F8: variants seen among roughly 807,000 people sequenced by gnomAD.
The protein encoded by F8 is antihemophilic factor.
A neutral mutation model predicts 140.6 loss-of-function variants in F8; 12 were observed. The ratio of observed to expected loss-of-function variants is 0.09; its 90% CI spans 0.05 to 0.14. The LOEUF is 0.14. Ranked by LOEUF, F8 falls within the 10% of genes least tolerant of loss-of-function variation. The probability of loss-of-function intolerance (pLI) is 1.00; values close to 1 mark genes in which losing one functional copy is unlikely to be tolerated. For missense variants in F8, 1,354 were observed against 1,720.7 expected, an observed-to-expected ratio of 0.79 and a Z score of 3.77; for synonymous variants, 585 against 614.6, an observed-to-expected ratio of 0.95 and a Z score of 0.71.
chrX:155,013,131 G>C (rs2124165081), intron 1 of F8, among the ~76,000 whole-genome samples: 1 of 87,414 alleles, frequency 1.1e-5, no homozygotes, highest in Admixed American at 1.3e-4. Context: ...GGGTGACAGA[G>C]CGAGACTCCG....
At chrX:154,983,619 G>T (rs1399705855) in intron 6 of F8, among the ~76,000 whole-genome samples, 3 of 112,082 alleles carry the variant, frequency 2.7e-5, no homozygotes, top group Non-Finnish European at 3.8e-5. Flanking sequence ...CAAGTGCTGG[G>T]ATTACAGGTG....
chrX:154,977,391 T>C (rs1478939881), intron 6 of F8: 1 of 112,147 alleles, frequency 8.9e-6, no homozygotes, highest in Non-Finnish European at 1.9e-5. Flanking sequence ...GTTTTCATGT[T>C]ACACATTAGG....
At chrX:155,000,858 C>T (rs782722643) in intron 1 of F8, among the ~76,000 whole-genome samples, 4 of 111,296 alleles carry the variant, frequency 3.6e-5, no homozygotes, top group Admixed American at 9.6e-5. Flanking sequence ...CTTGGTATGG[C>T]GGACCACTGA....
chrX:154,931,029 T>C lies in F8; in HGVS notation c.2761A>G (p.Ser921Gly). 8.4e-7 allele frequency: 1 copy of C among 1,192,504 alleles called. No individual in the cohort carries two copies. The highest frequency in any genetic ancestry group is 1.1e-6 in the Non-Finnish European group (1 of 886,681). Residue 921 changes from serine to glycine, a missense_variant, in exon 14 of 26, where the codon AGT (serine) becomes GGT (glycine). By Grantham distance (56) the Ser-to-Gly change is moderately conservative. Coordinates refer to ENST00000360256, the MANE Select transcript of F8 (RefSeq NM_000132.4). ...GGCATACTTGGGGGTCCTAAGGAAC[T>C]TGTATTATCAGTACCTGCTGCCAAA... Reference protein sequence around the residue: ...DNLAAGTDNTSSLGPPSMPVH... With the variant: ...DNLAAGTDNTGSLGPPSMPVH...
At position 154,968,210 on chromosome X, in the gene F8, T is replaced by C. The variant is rs781994224; in HGVS notation, c.1009+1121A>G. On this transcript the variant is annotated intron_variant, in intron 7 of 25. Coordinates refer to ENST00000360256, the MANE Select transcript of F8 (RefSeq NM_000132.4). ...AAGCGTTCCACCCTCATGAATGGACTAATGCAGTTATCTGGGGAAAGTGTT... is the reference window on the plus strand; with the variant it reads ...AAGCGTTCCACCCTCATGAATGGACCAATGCAGTTATCTGGGGAAAGTGTT... Among the ~76,000 whole-genome samples, 9 of 111,673 alleles carry C rather than the reference T, an allele frequency of 8.1e-5. 1 individual carries two copies. In the South Asian group the frequency reaches 3.0e-3, roughly 37 times the overall value.
At chrX:154,981,947 A>G (rs782159215) in intron 6 of F8, among the ~76,000 whole-genome samples, 11 of 111,931 alleles carry the variant, frequency 9.8e-5, no homozygotes, top group Non-Finnish European at 1.9e-4. Flanking sequence ...GCACTTTGGG[A>G]GGCCAAGGCG....
intron 14 of F8, among the ~76,000 whole-genome samples, chrX:154,928,000 CTTAT>C (rs782045681): frequency 1.7e-4 from 19 of 111,855 alleles, no homozygotes; most frequent in Non-Finnish European, 3.2e-4. Flanking sequence ...TTGAGATTGC[CTTAT>C]TTAGTTTTGT....
chrX:154,955,165 CTTTTTTTTTTTTT>C (rs1185466045), intron 11 of F8, among the ~76,000 whole-genome samples: 2 of 36,077 alleles, frequency 5.5e-5, no homozygotes, highest in South Asian at 3.3e-3. Context: ...ATTTATTAAG[CTTTTTTTTTTTTT>C]TTTTTTTTTT....
rs28370224 is a variant in F8 at position 154,898,299 on chromosome X, C to T, written c.6273+1567G>A. Among the ~76,000 whole-genome samples the T allele has an allele frequency of 6.3e-3, 702 of 111,891 alleles. 6 individuals carry two copies. The highest frequency in any genetic ancestry group is 0.022 in the African/African-American group (672 of 30,771). ...CTCCATGGTTTATTTTATAAAGTTA[C>T]GAGATCTATAAAAAGTCTAGCTGGA... On this transcript the variant is annotated intron_variant, in intron 21 of 25. Coordinates refer to ENST00000360256, the MANE Select transcript of F8 (RefSeq NM_000132.4).
Position 154,835,829 on chromosome X carries a change from A to G in F8, c.*1768T>C, listed in dbSNP as rs1335026804. On this transcript the variant is annotated 3_prime_UTR_variant, in exon 26 of 26. Coordinates refer to ENST00000360256, the MANE Select transcript of F8 (RefSeq NM_000132.4). The stretch of plus-strand genomic sequence containing the variant: ...AATGTTTTATTTAACTCATTACTGA[A>G]GAAACCAGCAGGAAAATAAAAGAGC... The G allele has an allele frequency of 8.9e-6, 1 of 112,537 alleles. No homozygotes were observed. Among genetic ancestry groups the G allele is most frequent in the African/African-American group, 3.2e-5 (1 of 30,944 alleles). The allele number at this position is 112,537 out of a possible 1,213,427, so 9.3% of individuals were successfully genotyped here.
intron 14 of F8, chrX:154,919,543 A>G: frequency 1.5e-6 from 1 of 652,222 alleles, no homozygotes. Flanking sequence ...GGCAGCAGAC[A>G]ATCACTCAAT....
At chrX:154,854,899 A>G (rs1603431371) in intron 25 of F8, among the ~76,000 whole-genome samples, 1 of 111,443 alleles carries the variant, frequency 9.0e-6, no homozygotes, top group East Asian at 2.8e-4. Flanking sequence ...TGGGAGGCCG[A>G]GGTGGATGGA....
At position 154,837,573 on chromosome X, in the gene F8, T is replaced by C. The variant is rs1557271020; in HGVS notation, c.*24A>G. On this transcript the variant is annotated 3_prime_UTR_variant, in exon 26 of 26. Transcript: ENST00000360256. ...GCTGAGGAGGGAGAGGTGACGGCAG[T>C]GGCAGGTGCTGCAGTGGCCACCCTC... 1.7e-6 allele frequency: 2 copies of C among 1,183,238 alleles called. No individual in the cohort carries two copies. The highest frequency in any genetic ancestry group is 6.2e-5 in the East Asian group (2 of 32,337).
At chrX:154,911,839 C>T (rs1557276796) in intron 14 of F8, among the ~76,000 whole-genome samples, 1 of 111,982 alleles carries the variant, frequency 8.9e-6, no homozygotes, top group Non-Finnish European at 1.9e-5. Flanking sequence ...ACAAGCATTC[C>T]CCTTTTGCCA....
intron 13 of F8, among the ~76,000 whole-genome samples, chrX:154,939,179 G>T (rs2073241525): frequency 9.0e-6 from 1 of 111,449 alleles, no homozygotes; most frequent in Non-Finnish European, 1.9e-5. Flanking sequence ...CAGGACAGTG[G>T]GTGCAGTGCA....
chrX:154,981,253 C>CA (rs1219583183), intron 6 of F8, among the ~76,000 whole-genome samples: 1 of 111,197 alleles, frequency 9.0e-6, no homozygotes, highest in East Asian at 2.8e-4. Context: ...AAGGGCTTCA[C>CA]AGTCTTGCTC....
chrX:154,994,539 T>C (rs149095405), intron 3 of F8, among the ~76,000 whole-genome samples: 1,733 of 112,332 alleles, frequency 0.015, 22 homozygotes, highest in African/African-American at 0.052. Context: ...CTGACACTCA[T>C]TTGGTGAAAG....
At chrX:154,953,767 T>C (rs1241100672) in intron 12 of F8, 125 bp downstream of exon 12, 39 of 854,281 alleles carry the variant, frequency 4.6e-5, no homozygotes, top group Admixed American at 3.1e-4. Flanking sequence ...AAATTATACA[T>C]TTATAGGTAA....
At chrX:154,919,498 G>T in intron 14 of F8, 1 of 368,271 alleles carries the variant, frequency 2.7e-6, no homozygotes, top group Non-Finnish European at 4.3e-6. Flanking sequence ...ATACAATCTG[G>T]CTTTCCCTGG....
Sources: allele counts gnomAD v4.1 joint callset (sites outside exome capture counted in the v4.1 genomes callset), GRCh38; gene constraint gnomAD v4.1.1; transcripts MANE v1.5; gene names NCBI Gene and HGNC (gene_info 2026-07-23, HGNC 2026-07-21).